Variants in CADM2 observed in about 807,000 individuals in gnomAD.
The protein encoded by CADM2 is immunoglobulin superfamily member 4D.
Under a neutral mutation model 49.8 loss-of-function variants are expected in CADM2, and 12 were observed. The ratio of observed to expected loss-of-function variants is 0.24; its 90% CI spans 0.15 to 0.39. The LOEUF is 0.39. Among genes scored for constraint, CADM2 ranks in the 10% least tolerant of loss-of-function variants. The pLI is 1.00. For missense variants in CADM2, 378 were observed against 492.3 expected, an observed-to-expected ratio of 0.77 and a Z score of 2.20; for synonymous variants, 214 against 175.4, an observed-to-expected ratio of 1.22 and a Z score of -1.74.
At chr3:85,388,563 G>C (rs2034361504) in intron 1 of CADM2, among the ~76,000 whole-genome samples, 1 of 152,076 alleles carries the variant, frequency 6.6e-6, no homozygotes, top group South Asian at 2.1e-4. Flanking sequence ...TCATCTTCTT[G>C]ATATGGCAAT....
At chr3:85,510,995 T>C (rs972704897) in intron 1 of CADM2, among the ~76,000 whole-genome samples, 1 of 152,102 alleles carries the variant, frequency 6.6e-6, no homozygotes, top group South Asian at 2.1e-4. Flanking sequence ...AGTGCATAGA[T>C]GTAATTATAT....
chr3:85,909,924 A>G (rs1717334008), intron 5 of CADM2, among the ~76,000 whole-genome samples: 2 of 152,188 alleles, frequency 1.3e-5, no homozygotes, highest in South Asian at 4.1e-4. Context: ...ATGAGAAAAG[A>G]TATTATGATT....
intron 1 of CADM2, among the ~76,000 whole-genome samples, chr3:85,672,763 G>C (rs1427469342): frequency 1.3e-5 from 2 of 152,080 alleles, no homozygotes; most frequent in Non-Finnish European, 2.9e-5. Flanking sequence ...TTTCTGACAT[G>C]TTACAGAAAT....
chr3:85,755,482 T>C (rs55829275), intron 2 of CADM2, among the ~76,000 whole-genome samples: 51,354 of 151,950 alleles, frequency 0.34, 9,209 homozygotes, highest in East Asian at 0.6. Context: ...TGTTCAAGTT[T>C]TTACTGAGAC....
chr3:84,959,703 C>G (rs1386551012), intron 1 of CADM2, 35 bp downstream of exon 1: 4 of 1,523,152 alleles, frequency 2.6e-6, no homozygotes, highest in Non-Finnish European at 3.5e-6. Flanking sequence ...ACATCAACTT[C>G]TCGCCCATTC....
chr3:85,762,419 T>C (rs961743027), intron 2 of CADM2, among the ~76,000 whole-genome samples: 1 of 152,146 alleles, frequency 6.6e-6, no homozygotes, highest in African/African-American at 2.4e-5. Context: ...ATATTTCTCA[T>C]GCTGTTTTTC....
At chr3:85,055,968 A>T (rs1329143677) in intron 1 of CADM2, among the ~76,000 whole-genome samples, 1 of 152,066 alleles carries the variant, frequency 6.6e-6, no homozygotes, top group Non-Finnish European at 1.5e-5. Flanking sequence ...ATCAAATTAT[A>T]ATAGCCCAGT....
intron 1 of CADM2, among the ~76,000 whole-genome samples, chr3:85,475,434 T>A (rs1002862644): frequency 6.6e-6 from 1 of 151,968 alleles, no homozygotes; most frequent in African/African-American, 2.4e-5. Flanking sequence ...ATTAAAATTG[T>A]CATTGTCTAA....
At chr3:85,574,826 G>A (rs2062585274) in intron 1 of CADM2, among the ~76,000 whole-genome samples, 1 of 151,952 alleles carries the variant, frequency 6.6e-6, no homozygotes, top group Non-Finnish European at 1.5e-5. Flanking sequence ...TCAGTCTAGG[G>A]GGTTCTCATA....
chr3:85,820,416 A>G (rs1246068425), intron 3 of CADM2, among the ~76,000 whole-genome samples: 1 of 152,138 alleles, frequency 6.6e-6, no homozygotes, highest in Non-Finnish European at 1.5e-5. Context: ...AATCCAAGCA[A>G]AAGATGAAGT....
chr3:85,530,903 C>CAT (rs2061293330), intron 1 of CADM2, among the ~76,000 whole-genome samples: 2 of 149,536 alleles, frequency 1.3e-5, no homozygotes, highest in African/African-American at 5.0e-5. Flanking sequence ...CACACACACA[C>CAT]ACACACACAC....
intron 2 of CADM2, among the ~76,000 whole-genome samples, chr3:85,756,707 A>G (rs1323959484): frequency 6.6e-6 from 1 of 152,160 alleles, no homozygotes; most frequent in Non-Finnish European, 1.5e-5. Flanking sequence ...CTTTCAAATT[A>G]TCTCAGCATA....
At position 85,618,067 on chromosome 3, in the gene CADM2, A is replaced by G. The variant is rs1008963581; in HGVS notation, c.62-108455A>G. Among the ~76,000 whole-genome samples, 11 of 152,182 alleles carry G rather than the reference A, an allele frequency of 7.2e-5. No individual in the cohort carries two copies. The East Asian group carries it at 2.1e-3, about 29-fold the overall frequency. On this transcript the variant is annotated intron_variant, in intron 1 of 9. Coordinates refer to ENST00000383699, the MANE Select transcript of CADM2 (RefSeq NM_001167675.2). ...ACATACAGTCATTCTTTTCTTTAGG[A>G]GGAAAGTGTGTTAAAAATTTAGGAA...
intron 5 of CADM2, among the ~76,000 whole-genome samples, chr3:85,900,182 T>C (rs1715921127): frequency 6.6e-6 from 1 of 152,200 alleles, no homozygotes; most frequent in African/African-American, 2.4e-5. Context: ...AAAATTATTG[T>C]TTTCAGGTGA....
chr3:85,399,293 G>C (rs983116505), intron 1 of CADM2, among the ~76,000 whole-genome samples: 1 of 152,058 alleles, frequency 6.6e-6, no homozygotes, highest in Non-Finnish European at 1.5e-5. Context: ...AAGAGCAGAT[G>C]GTTGTAGATG....
intron 1 of CADM2, among the ~76,000 whole-genome samples, chr3:85,574,169 A>G (rs1296506970): frequency 4.6e-5 from 7 of 152,232 alleles, no homozygotes; most frequent in African/African-American, 1.2e-4. Flanking sequence ...GCAAGTTTTT[A>G]GGCCTAGACA....
At chr3:85,552,366 G>GTTTTTTTTTTTT (rs36014885) in intron 1 of CADM2, among the ~76,000 whole-genome samples, 2 of 87,588 alleles carry the variant, frequency 2.3e-5, no homozygotes, top group African/African-American at 9.3e-5. Flanking sequence ...ACTTTGAAAA[G>GTTTTTTTTTTTT]TTTTTTTTTT....
intron 1 of CADM2, among the ~76,000 whole-genome samples, chr3:85,020,952 T>C (rs1266292577): frequency 1.3e-5 from 2 of 151,872 alleles, no homozygotes; most frequent in South Asian, 2.1e-4. Context: ...TTTTTTCTCT[T>C]TAGAAACGAA....
chr3:85,647,558 A>G (rs576929285), intron 1 of CADM2, among the ~76,000 whole-genome samples: 2 of 151,574 alleles, frequency 1.3e-5, no homozygotes, highest in South Asian at 4.1e-4. Context: ...TTTTGCATAG[A>G]GAGTGTTTTT....
Sources: allele counts gnomAD v4.1 joint callset (sites outside exome capture counted in the v4.1 genomes callset), GRCh38; gene constraint gnomAD v4.1.1; transcripts MANE v1.5; gene names NCBI Gene and HGNC (gene_info 2026-07-23, HGNC 2026-07-21).